Variants in TCF12 observed in about 807,000 individuals in gnomAD.
The protein encoded by TCF12 is transcription factor 12, also known as DNA-binding protein HTF4.
A neutral mutation model predicts 86.0 loss-of-function variants in TCF12; 45 were observed. The observed-to-expected ratio is 0.52, with a 90% CI of 0.41 to 0.67. TCF12 has a LOEUF of 0.67. Among genes scored for constraint, TCF12 ranks in the 30% least tolerant of loss-of-function variants. The pLI is 0.00. For synonymous variants in TCF12, 330 were observed against 299.6 expected (o/e 1.10, Z -1.05); for missense variants, 881 against 859.9 (o/e 1.02, Z -0.31).
At chr15:57,103,161 C>G (rs1338303986) in intron 5 of TCF12, among the ~76,000 whole-genome samples, 2 of 152,016 alleles carry the variant, frequency 1.3e-5, no homozygotes, top group African/African-American at 4.8e-5. Context: ...CGGTACTGCC[C>G]AACATATGAG....
chr15:56,958,438 C>T (rs921817494), intron 3 of TCF12, among the ~76,000 whole-genome samples: 5 of 152,130 alleles, frequency 3.3e-5, no homozygotes, highest in Non-Finnish European at 5.9e-5. Context: ...ATTTCTGTTA[C>T]TCTGTCTTTA....
At chr15:57,125,297 TG>T (rs1775721067) in intron 5 of TCF12, among the ~76,000 whole-genome samples, 1 of 152,260 alleles carries the variant, frequency 6.6e-6, no homozygotes, top group Non-Finnish European at 1.5e-5. Flanking sequence ...AATAAAATGT[TG>T]ACTAAAGACT....
At chr15:57,109,096 A>G (rs779280539) in intron 5 of TCF12, among the ~76,000 whole-genome samples, 4 of 152,198 alleles carry the variant, frequency 2.6e-5, no homozygotes, top group Non-Finnish European at 4.4e-5. Context: ...GAGGTTTAGG[A>G]TGAAGTGGCT....
intron 5 of TCF12, among the ~76,000 whole-genome samples, chr15:57,138,262 T>C (rs1694405962): frequency 6.6e-6 from 1 of 152,220 alleles, no homozygotes; most frequent in Non-Finnish European, 1.5e-5. Context: ...TAACTAAAGA[T>C]TTCTGTTTTT....
At chr15:57,252,298 C>T (rs975848987) in intron 14 of TCF12, 123 bp from the exon 15 acceptor site, 11 of 662,730 alleles carry the variant, frequency 1.7e-5, no homozygotes, top group African/African-American at 1.5e-4. Context: ...AAATAGATCT[C>T]GCAAGTCTTG....
At chr15:56,931,061 T>C (rs536239121) in intron 3 of TCF12, among the ~76,000 whole-genome samples, 3 of 152,014 alleles carry the variant, frequency 2.0e-5, no homozygotes, top group South Asian at 4.2e-4. Context: ...CTCCTCCTCC[T>C]CTCCCTCGTT....
chr15:57,274,662 A>C (rs929849841), intron 19 of TCF12, among the ~76,000 whole-genome samples: 2 of 152,080 alleles, frequency 1.3e-5, no homozygotes, highest in Non-Finnish European at 2.9e-5. Flanking sequence ...TCAGTGGTTC[A>C]AGTACACTCA....
rs1248848871 is a variant in TCF12, at chr15:57,263,019, A to T, written c.1583-93A>T. The T allele has an allele frequency of 3.0e-6, 4 of 1,329,386 alleles. No homozygotes were observed. In the South Asian group the frequency reaches 4.5e-5, roughly 15 times the overall value. The allele number at this position is 1,329,386 out of a possible 1,614,324, so 82.3% of individuals were successfully genotyped here. On this transcript the variant is annotated intron_variant, in intron 17 of 20. Transcript: ENST00000333725. ...CATCATAACCCTGTAACTGCTAAGG[A>T]TATTCACCAGCTAGAAAGCTTTTTA...
At chr15:57,203,020 A>G (rs746660768) in intron 8 of TCF12, among the ~76,000 whole-genome samples, 6 of 152,258 alleles carry the variant, frequency 3.9e-5, no homozygotes, top group South Asian at 2.1e-4. Flanking sequence ...TATATAAAAA[A>G]GGATAAGTAT....
At chr15:57,103,590 A>G (rs1368329834) in intron 5 of TCF12, among the ~76,000 whole-genome samples, 5 of 152,256 alleles carry the variant, frequency 3.3e-5, no homozygotes, top group African/African-American at 1.2e-4. Flanking sequence ...TAGCTCTACC[A>G]CAATGGAATT....
rs1188474855 is a variant in TCF12 at position 57,262,995 on chromosome 15, A to G, written c.1583-117A>G. 5.6e-6 allele frequency: 6 copies of G among 1,063,806 alleles called. No individual in the cohort carries two copies. The South Asian group carries it at 7.0e-5, about 12-fold the overall frequency. 65.9% of individuals were successfully genotyped at this position (1,063,806 alleles called of 1,614,324 possible). A position where few individuals can be genotyped will look rare whatever the true frequency, so the allele number is the denominator to read the frequency against. Reference sequence around the variant, plus strand: ...TACTTTCCTACATCTTCAAACCTCCATCATAACCCTGTAACTGCTAAGGAT... The same window carrying G: ...TACTTTCCTACATCTTCAAACCTCCGTCATAACCCTGTAACTGCTAAGGAT... On this transcript the variant is annotated intron_variant, in intron 17 of 20. Transcript: ENST00000333725.
chr15:57,065,034 A>G (rs1177214790), intron 4 of TCF12, among the ~76,000 whole-genome samples: 3 of 152,168 alleles, frequency 2.0e-5, no homozygotes, highest in African/African-American at 7.2e-5. Flanking sequence ...CTGAGTTAAA[A>G]TACCTTTTAA....
At chr15:56,984,000 T>TAAAAAAAAAAAAAAAA (rs1595962155) in intron 3 of TCF12, among the ~76,000 whole-genome samples, 1 of 3,746 alleles carries the variant, frequency 2.7e-4, no homozygotes. Context: ...AGACCCTGTC[T>TAAAAAAAAAAAAAAAA]CAAAAAAAAA....
At chr15:57,164,623 G>C (rs920791570) in intron 5 of TCF12, among the ~76,000 whole-genome samples, 33 of 152,220 alleles carry the variant, frequency 2.2e-4, no homozygotes, top group African/African-American at 7.2e-4. Flanking sequence ...GGTGAGATTT[G>C]GGTGAGGACA....
At chr15:57,223,669 T>TC (rs2058731586) in intron 8 of TCF12, among the ~76,000 whole-genome samples, 4 of 134,532 alleles carry the variant, frequency 3.0e-5, no homozygotes, top group Admixed American at 2.9e-4. Flanking sequence ...TTTTTTTTTT[T>TC]TTAGAAATAG....
chr15:57,128,018 G>A (rs542447710), intron 5 of TCF12, among the ~76,000 whole-genome samples: 7 of 152,260 alleles, frequency 4.6e-5, no homozygotes, highest in African/African-American at 1.2e-4. Context: ...GTTCATGGAT[G>A]CAACTCCATT....
intron 18 of TCF12, among the ~76,000 whole-genome samples, chr15:57,269,451 T>G (rs1007109307): frequency 2.8e-5 from 4 of 144,848 alleles, no homozygotes; most frequent in Admixed American, 7.2e-5. Flanking sequence ...TATGTGTATC[T>G]TTGCGCATGA....
chr15:56,968,297 A>G (rs1280900858), intron 3 of TCF12, among the ~76,000 whole-genome samples: 2 of 151,918 alleles, frequency 1.3e-5, no homozygotes, highest in Non-Finnish European at 2.9e-5. Flanking sequence ...CTTGTGTTTC[A>G]TAAGAAAAAG....
chr15:57,001,972 T>C (rs2585119), intron 3 of TCF12, among the ~76,000 whole-genome samples: 2,029 of 152,328 alleles, frequency 0.013, 50 homozygotes, highest in African/African-American at 0.047. Context: ...CATGAAACTT[T>C]CTAGAAAGAG....
Sources: gnomAD v4.1 joint callset for allele counts (sites outside exome capture counted in the v4.1 genomes callset) on GRCh38, gnomAD v4.1.1 for gene constraint, MANE v1.5 for transcripts, NCBI Gene and HGNC (gene_info 2026-07-23, HGNC 2026-07-21) for gene names.